Variants in NECAB1 observed in about 807,000 individuals in gnomAD.
The protein encoded by NECAB1 is N-terminal EF-hand calcium-binding protein 1.
NECAB1 carries 29 observed loss-of-function variants against 57.5 expected under a neutral mutation model. That is an observed-to-expected ratio of 0.50 (90% CI 0.38 to 0.69). NECAB1 has a LOEUF of 0.69. Among genes scored for constraint, NECAB1 ranks in the 30% least tolerant of loss-of-function variants. The pLI, the probability that NECAB1 is intolerant of heterozygous loss-of-function variation, is 0.00. For missense variants in NECAB1, 372 were observed against 413.8 expected (o/e 0.90, Z 0.88); for synonymous variants, 142 against 147.7 (o/e 0.96, Z 0.28).
chr8:90,917,881 T>TGTGTGTGCGC (rs33942093), intron 6 of NECAB1, among the ~76,000 whole-genome samples: 13 of 117,868 alleles, frequency 1.1e-4, no homozygotes, highest in Admixed American at 3.4e-4. Context: ...TGTGTGTGTG[T>TGTGTGTGCGC]GCGTGTATAT....
intron 5 of NECAB1, among the ~76,000 whole-genome samples, chr8:90,916,596 T>C (rs1456124129): frequency 6.6e-6 from 1 of 151,646 alleles, no homozygotes; most frequent in East Asian, 2.0e-4. Context: ...GAATGTACCA[T>C]TTCCACTCAA....
At chr8:90,879,136 T>G (rs11785490) in intron 4 of NECAB1, among the ~76,000 whole-genome samples, 60,990 of 140,762 alleles carry the variant, frequency 0.43, 15,695 homozygotes, top group East Asian at 0.77. Flanking sequence ...ATATAATATA[T>G]ATATATCGAG....
intron 10 of NECAB1, among the ~76,000 whole-genome samples, chr8:90,943,533 C>T (rs926140657): frequency 1.3e-5 from 2 of 152,134 alleles, no homozygotes; most frequent in Non-Finnish European, 2.9e-5. Flanking sequence ...CAATTTTCTA[C>T]CTGTATCAAT....
intron 8 of NECAB1, among the ~76,000 whole-genome samples, chr8:90,931,465 A>T (rs1810402420): frequency 6.6e-6 from 1 of 152,230 alleles, no homozygotes; most frequent in Non-Finnish European, 1.5e-5. Context: ...ACCAAGCCCT[A>T]TTCTATGCAT....
At chr8:90,915,120 C>A (rs1809920563) in intron 5 of NECAB1, among the ~76,000 whole-genome samples, 1 of 152,272 alleles carries the variant, frequency 6.6e-6, no homozygotes, top group East Asian at 1.9e-4. Context: ...AACTTTTTAT[C>A]ATTTGCTTTA....
chr8:90,851,868 C>T (rs1336203586), intron 3 of NECAB1, among the ~76,000 whole-genome samples: 1 of 152,078 alleles, frequency 6.6e-6, no homozygotes, highest in East Asian at 1.9e-4. Context: ...AACATGTACC[C>T]ATAATTAGAG....
At chr8:90,846,643 T>C (rs1812564214) in intron 3 of NECAB1, among the ~76,000 whole-genome samples, 2 of 152,168 alleles carry the variant, frequency 1.3e-5, no homozygotes, top group South Asian at 2.1e-4. Flanking sequence ...CTGGGTAATT[T>C]ATAAAGAAAA....
At chr8:90,815,277 C>T (rs1563494998) in intron 2 of NECAB1, among the ~76,000 whole-genome samples, 2 of 152,032 alleles carry the variant, frequency 1.3e-5, no homozygotes, top group African/African-American at 4.8e-5. Flanking sequence ...TTTACAGTTA[C>T]TTAAGTTAGC....
chr8:90,800,343 T>C (rs1239810215), intron 1 of NECAB1, among the ~76,000 whole-genome samples: 3 of 152,130 alleles, frequency 2.0e-5, no homozygotes, highest in African/African-American at 7.2e-5. Flanking sequence ...AGTACTATGT[T>C]GAATAGGAGT....
chr8:90,815,898 A>C (rs568883083), intron 2 of NECAB1, among the ~76,000 whole-genome samples: 11 of 152,086 alleles, frequency 7.2e-5, no homozygotes, highest in African/African-American at 2.4e-4. Context: ...CAGGTTTTTA[A>C]GTGGAAAAAA....
chr8:90,886,097 G>T (rs1296870154), intron 5 of NECAB1, among the ~76,000 whole-genome samples: 1 of 152,122 alleles, frequency 6.6e-6, no homozygotes, highest in Non-Finnish European at 1.5e-5. Context: ...TTAGAGAAAT[G>T]AAATTTAATT....
At chr8:90,880,940 T>C in intron 4 of NECAB1, 93 bp from the exon 5 acceptor site, 1 of 845,218 alleles carries the variant, frequency 1.2e-6, no homozygotes, top group Non-Finnish European at 1.9e-6. Context: ...CATTTTGTTT[T>C]ACTCATTTAA....
rs766524205 is a variant in NECAB1, at chr8:90,925,595, C to A, written c.555C>A (p.Arg185=). 4 of 1,613,670 alleles carry A rather than the reference C, an allele frequency of 2.5e-6. No individual in the cohort carries two copies. In the Admixed American group the frequency reaches 5.0e-5, roughly 20 times the overall value. ...AATGGCCTGGAAAACGATCAAGCCG[C>A]CGAGTCCAGAGACACAACAGCTTCT... The part of the protein sequence containing the change: ...SIQWPGKRSS[R]RVQRHNSFSP... The change falls in exon 7 of 13, where the codon CGC becomes CGA. Residue 185 remains arginine, a synonymous_variant. Coordinates refer to ENST00000417640, the MANE Select transcript of NECAB1 (RefSeq NM_022351.5).
intron 3 of NECAB1, among the ~76,000 whole-genome samples, chr8:90,860,445 G>A (rs1367055848): frequency 6.6e-6 from 1 of 152,048 alleles, no homozygotes; most frequent in Non-Finnish European, 1.5e-5. Flanking sequence ...AAACTAGTAT[G>A]AAGATAACAG....
chr8:90,861,084 A>G (rs533809578), intron 3 of NECAB1, among the ~76,000 whole-genome samples: 82 of 152,320 alleles, frequency 5.4e-4, no homozygotes, highest in African/African-American at 1.9e-3. Flanking sequence ...TTTCTATTCA[A>G]TATAACATTC....
At chr8:90,841,006 C>T (rs1812444920) in intron 3 of NECAB1, among the ~76,000 whole-genome samples, 1 of 151,386 alleles carries the variant, frequency 6.6e-6, no homozygotes, top group Non-Finnish European at 1.5e-5. Context: ...GCCTGTAATC[C>T]CAGCACTTTG....
chr8:90,851,272 GT>G (rs1259005729), intron 3 of NECAB1, among the ~76,000 whole-genome samples: 2 of 152,152 alleles, frequency 1.3e-5, no homozygotes, highest in African/African-American at 2.4e-5. Context: ...TAAGTAAAGT[GT>G]TTTCCTGAGT....
At chr8:90,929,551 C>CCTT (rs140461518) in intron 8 of NECAB1, among the ~76,000 whole-genome samples, 2 of 152,080 alleles carry the variant, frequency 1.3e-5, no homozygotes, top group Non-Finnish European at 2.9e-5. Flanking sequence ...AGTCTGTTGG[C>CCTT]CTTCTGTTCA....
In NECAB1 at chr8:90,956,192, A is replaced by T. The variant is rs763601603; in HGVS notation, c.*680A>T. ...CAGCAACATTGTGTCATTTATTAGC[A>T]TCATAATTCTTTGTTATGTAAGTTA... On this transcript the variant is annotated 3_prime_UTR_variant, in exon 13 of 13. Transcript: ENST00000417640. 6 of 152,064 alleles carry T rather than the reference A, an allele frequency of 3.9e-5. No individual in the cohort carries two copies. Among genetic ancestry groups the T allele is most frequent in the Non-Finnish European group, 7.4e-5 (5 of 67,948 alleles). 9.4% of individuals were successfully genotyped at this position (152,064 alleles called of 1,614,324 possible). A position where few individuals can be genotyped will look rare whatever the true frequency, so the allele number is the denominator to read the frequency against.
Sources: allele counts gnomAD v4.1 joint callset (sites outside exome capture counted in the v4.1 genomes callset), GRCh38; gene constraint gnomAD v4.1.1; transcripts MANE v1.5; gene names NCBI Gene and HGNC (gene_info 2026-07-23, HGNC 2026-07-21).